The following ATRNL1 variants were observed in gnomAD, a reference collection of about 807,000 sequenced individuals.
The protein encoded by ATRNL1 is attractin like 1.
A neutral mutation model predicts 182.7 loss-of-function variants in ATRNL1; 95 were observed. That is an observed-to-expected ratio of 0.52 (90% CI 0.44 to 0.62). The LOEUF (loss-of-function observed/expected upper bound fraction) is 0.62. Among genes scored for constraint, ATRNL1 ranks in the 20% least tolerant of loss-of-function variants. The pLI is 0.00. For missense variants in ATRNL1, 1,471 were observed against 1,679.5 expected, an observed-to-expected ratio of 0.88 and a Z score of 2.17; for synonymous variants, 576 against 568.3, an observed-to-expected ratio of 1.01 and a Z score of -0.19.
chr10:115,621,573 G>A (rs1247757777), intron 26 of ATRNL1, among the ~76,000 whole-genome samples: 1 of 151,538 alleles, frequency 6.6e-6, no homozygotes, highest in Non-Finnish European at 1.5e-5. Flanking sequence ...TAGTGCTGGG[G>A]TTAAATGTGT....
intron 20 of ATRNL1, among the ~76,000 whole-genome samples, chr10:115,413,096 A>C (rs751515649): frequency 1.3e-5 from 2 of 152,144 alleles, no homozygotes; most frequent in Admixed American, 6.5e-5. Context: ...TATTTTTGGC[A>C]TGTGAGGAAT....
intron 24 of ATRNL1, among the ~76,000 whole-genome samples, chr10:115,474,909 AT>A: frequency 6.6e-6 from 1 of 151,340 alleles, no homozygotes; most frequent in Non-Finnish European, 1.5e-5. Flanking sequence ...GAAATGTAGA[AT>A]TTTAGCCCTG....
intron 18 of ATRNL1, among the ~76,000 whole-genome samples, chr10:115,331,814 T>C (rs1165411628): frequency 6.6e-6 from 1 of 152,220 alleles, no homozygotes; most frequent in Non-Finnish European, 1.5e-5. Context: ...GATTGTCTAA[T>C]GCAGGATCCA....
chr10:115,668,333 A>G (rs1164467261), intron 26 of ATRNL1, among the ~76,000 whole-genome samples: 1 of 152,116 alleles, frequency 6.6e-6, no homozygotes, highest in Non-Finnish European at 1.5e-5. Context: ...TGTTTCATCT[A>G]TTCTCAAAAA....
At chr10:115,275,965 G>T (rs1852086714) in intron 13 of ATRNL1, among the ~76,000 whole-genome samples, 1 of 152,140 alleles carries the variant, frequency 6.6e-6, no homozygotes, top group Non-Finnish European at 1.5e-5. Context: ...AACATCAAAT[G>T]TATAATTTCT....
intron 13 of ATRNL1, among the ~76,000 whole-genome samples, chr10:115,270,451 GTA>G (rs568403789): frequency 2.1e-5 from 3 of 143,722 alleles, no homozygotes; most frequent in Non-Finnish European, 4.5e-5. Context: ...TAATATATGT[GTA>G]TATATATATA....
intron 28 of ATRNL1, among the ~76,000 whole-genome samples, chr10:115,934,623 C>T (rs545444029): frequency 6.6e-6 from 1 of 152,070 alleles, no homozygotes; most frequent in Non-Finnish European, 1.5e-5. Flanking sequence ...CTGTCCATCC[C>T]GTTTATCTCT....
chr10:115,561,690 G>GGTGGGTGTGTGTGT (rs1853736903), intron 26 of ATRNL1, among the ~76,000 whole-genome samples: 1 of 50,446 alleles, frequency 2.0e-5, no homozygotes, highest in Admixed American at 1.9e-4. Context: ...TGTGTGTGTG[G>GGTGGGTGTGTGTGT]GTGTGTGTGT....
chr10:115,286,167 A>G lies in ATRNL1; in HGVS notation c.2234-49A>G, dbSNP rs781855850. 5 of 865,724 alleles carry G rather than the reference A, an allele frequency of 5.8e-6. No individual in the cohort carries two copies. In the Admixed American group the frequency reaches 7.3e-5, roughly 13 times the overall value. 53.6% of individuals were successfully genotyped at this position (865,724 alleles called of 1,614,324 possible). ...GTACTTTGAAATAATTGAAAAATAC[A>G]TTTGCTTTTTGGTAATCTAACAATA... is the stretch of plus-strand genomic sequence containing the variant. On this transcript the variant is annotated intron_variant, in intron 14 of 28. Transcript: ENST00000355044.
At chr10:115,375,391 A>C (rs1421580350) in intron 19 of ATRNL1, among the ~76,000 whole-genome samples, 2 of 151,852 alleles carry the variant, frequency 1.3e-5, no homozygotes, top group African/African-American at 4.8e-5. Flanking sequence ...TAGGGAGTCT[A>C]TTGTTTGATC....
At chr10:115,315,794 T>A in intron 18 of ATRNL1, 58 bp downstream of exon 18, 95 of 1,331,638 alleles carry the variant, frequency 7.1e-5, no homozygotes, top group Non-Finnish European at 9.0e-5. Flanking sequence ...CAAGAAGGAG[T>A]TTTTGTTCTT....
intron 24 of ATRNL1, among the ~76,000 whole-genome samples, chr10:115,481,756 G>A (rs1311348729): frequency 2.0e-5 from 3 of 150,660 alleles, no homozygotes; most frequent in Non-Finnish European, 4.5e-5. Context: ...AGCTTCCTGA[G>A]GATATTTTGT....
intron 21 of ATRNL1, among the ~76,000 whole-genome samples, chr10:115,442,007 C>G (rs1283916969): frequency 6.6e-6 from 1 of 151,868 alleles, no homozygotes; most frequent in African/African-American, 2.4e-5. Flanking sequence ...GACTCTGGTC[C>G]TTTTTAGAAG....
chr10:115,675,516 G>C (rs1454144671), intron 26 of ATRNL1, among the ~76,000 whole-genome samples: 1 of 152,074 alleles, frequency 6.6e-6, no homozygotes, highest in Non-Finnish European at 1.5e-5. Flanking sequence ...CTTCTGTCTT[G>C]CCTTATGTTC....
At chr10:115,104,966 A>G (rs541292592) in intron 1 of ATRNL1, among the ~76,000 whole-genome samples, 1 of 151,742 alleles carries the variant, frequency 6.6e-6, no homozygotes, top group Non-Finnish European at 1.5e-5. Context: ...GCTCTGTGGT[A>G]TAATTTAAAG....
chr10:115,895,505 T>C (rs1409665558), intron 28 of ATRNL1, among the ~76,000 whole-genome samples: 2 of 152,188 alleles, frequency 1.3e-5, no homozygotes, highest in Non-Finnish European at 2.9e-5. Flanking sequence ...TGACTATGAC[T>C]CCTTCATCTG....
At chr10:115,886,591 T>G (rs1310532041) in intron 28 of ATRNL1, among the ~76,000 whole-genome samples, 1 of 152,240 alleles carries the variant, frequency 6.6e-6, no homozygotes. Context: ...ATGTGATTTG[T>G]AAGTATTGTA....
chr10:115,216,361 A>G (rs1346189384), intron 9 of ATRNL1, among the ~76,000 whole-genome samples: 1 of 152,192 alleles, frequency 6.6e-6, no homozygotes, highest in Non-Finnish European at 1.5e-5. Flanking sequence ...GGTAATGTGT[A>G]TATACTTCCA....
At chr10:115,366,722 A>G (rs1226521405) in intron 19 of ATRNL1, among the ~76,000 whole-genome samples, 1 of 151,884 alleles carries the variant, frequency 6.6e-6, no homozygotes, top group Non-Finnish European at 1.5e-5. Flanking sequence ...TGGTGGTGAC[A>G]AAATCGGTTA....
Sources: gnomAD v4.1 joint callset for allele counts (sites outside exome capture counted in the v4.1 genomes callset) on GRCh38, gnomAD v4.1.1 for gene constraint, MANE v1.5 for transcripts, NCBI Gene and HGNC (gene_info 2026-07-23, HGNC 2026-07-21) for gene names.